Variants in MARCHF4 observed in about 807,000 individuals in gnomAD.
MARCHF4 encodes membrane associated ring-CH-type finger 4.
In MARCHF4, 14 loss-of-function variants were observed where a neutral mutation model predicts 43.9. The observed-to-expected ratio is 0.32, with a 90% confidence interval of 0.21 to 0.50. The LOEUF (loss-of-function observed/expected upper bound fraction) is 0.50. MARCHF4 is among the 20% of genes least tolerant of loss of function. The pLI, the probability that MARCHF4 is intolerant of heterozygous loss-of-function variation, is 0.98. For synonymous variants in MARCHF4, 226 were observed against 213.3 expected, an observed-to-expected ratio of 1.06 and a Z score of -0.52; for missense variants, 468 against 536.7, an observed-to-expected ratio of 0.87 and a Z score of 1.27.
At chr2:216,288,107 C>T (rs1230835941) in intron 1 of MARCHF4, among the ~76,000 whole-genome samples, 1 of 152,168 alleles carries the variant, frequency 6.6e-6, no homozygotes, top group Non-Finnish European at 1.5e-5. Flanking sequence ...GGACTACAGG[C>T]ACATGCCACC....
intron 3 of MARCHF4, chr2:216,259,883 G>T: frequency 1.7e-6 from 1 of 586,128 alleles, no homozygotes; most frequent in Non-Finnish European, 3.0e-6. Flanking sequence ...CCATGAAATA[G>T]TTGAGCACCT....
chr2:216,362,080 G>A (rs1490126363), intron 1 of MARCHF4, among the ~76,000 whole-genome samples: 1 of 152,140 alleles, frequency 6.6e-6, no homozygotes, highest in East Asian at 1.9e-4. Context: ...CATGTATTTT[G>A]GACTTCAAAG....
At chr2:216,282,923 G>GT (rs1326491831) in intron 2 of MARCHF4, among the ~76,000 whole-genome samples, 1 of 151,912 alleles carries the variant, frequency 6.6e-6, no homozygotes, top group Non-Finnish European at 1.5e-5. Context: ...TCTGTCCCTT[G>GT]CCATTGGAAG....
chr2:216,340,347 T>C (rs781198428), intron 1 of MARCHF4, among the ~76,000 whole-genome samples: 2 of 152,134 alleles, frequency 1.3e-5, no homozygotes, highest in Non-Finnish European at 1.5e-5. Context: ...ATAAACCCCA[T>C]AGTGATTTTG....
At position 216,259,260 on chromosome 2, in the gene MARCHF4, C is replaced by T; in HGVS notation, c.*52G>A. 6.6e-7 allele frequency: 1 copy of T among 1,505,322 alleles called. No homozygotes were observed. Among genetic ancestry groups the T allele is most frequent in the African/African-American group, 1.4e-5 (1 of 71,692 alleles). 93.2% of individuals were successfully genotyped at this position (1,505,322 alleles called of 1,614,324 possible). A position where few individuals can be genotyped will look rare whatever the true frequency, so the allele number is the denominator to read the frequency against. ...TGGGGGTGCCACTGCACCTCCCCAC[C>T]CTGCTCCGGGCCCTCAGTGGTGGTC... On this transcript the variant is annotated 3_prime_UTR_variant, in exon 4 of 4. Coordinates refer to ENST00000273067, the MANE Select transcript of MARCHF4 (RefSeq NM_020814.3).
At chr2:216,269,591 T>C (rs1010397062) in intron 3 of MARCHF4, among the ~76,000 whole-genome samples, 2 of 152,180 alleles carry the variant, frequency 1.3e-5, no homozygotes, top group African/African-American at 4.8e-5. Context: ...CGGCAAACCT[T>C]TCTTGAGTGT....
At position 216,277,566 on chromosome 2, in the gene MARCHF4, G is replaced by A. The variant is rs891649292; in HGVS notation, c.865+106C>T. On this transcript the variant is annotated intron_variant, in intron 3 of 3. Coordinates refer to ENST00000273067, the MANE Select transcript of MARCHF4 (RefSeq NM_020814.3). ...CCTGAGCTCCCAGTTCTCAAGCCTG[G>A]GGCCATATCTGCTTCAGCCTCCCAC... The A allele has an allele frequency of 1.2e-5, 15 of 1,207,010 alleles. No homozygotes were observed. In the African/African-American group the frequency reaches 2.3e-4, roughly 18 times the overall value. 74.8% of individuals were successfully genotyped at this position (1,207,010 alleles called of 1,614,324 possible). A position where few individuals can be genotyped will look rare whatever the true frequency, so the allele number is the denominator to read the frequency against.
intron 1 of MARCHF4, among the ~76,000 whole-genome samples, chr2:216,299,111 AT>A (rs60364722): frequency 0.061 from 9,055 of 147,780 alleles, 661 homozygotes; most frequent in African/African-American, 0.18. Flanking sequence ...ACAGTCTGGG[AT>A]TTTTTTTTTT....
At chr2:216,339,428 A>T (rs1417568475) in intron 1 of MARCHF4, among the ~76,000 whole-genome samples, 1 of 152,194 alleles carries the variant, frequency 6.6e-6, no homozygotes, top group Non-Finnish European at 1.5e-5. Context: ...TGGCATTTGC[A>T]CATCACAGGG....
intron 3 of MARCHF4, among the ~76,000 whole-genome samples, chr2:216,274,165 T>C (rs1364327245): frequency 6.6e-6 from 1 of 152,180 alleles, no homozygotes; most frequent in Non-Finnish European, 1.5e-5. Flanking sequence ...GTGGACCCTA[T>C]ACCCATGGTT....
In MARCHF4 at chr2:216,325,924, C is replaced by A. The variant is rs1376051008; in HGVS notation, c.517-42195G>T. 1.7e-4 allele frequency among the ~76,000 whole-genome samples: 25 copies of A among 148,180 alleles called. No homozygotes were observed. The South Asian group carries it at 5.2e-3, about 31-fold the overall frequency. ...GGCAAGGACTTCATGTCTAAAACAC[C>A]AAAAGCAATGGCAACAAAAGCCAGA... On this transcript the variant is annotated intron_variant, in intron 1 of 3. Coordinates refer to ENST00000273067, the MANE Select transcript of MARCHF4 (RefSeq NM_020814.3).
intron 1 of MARCHF4, among the ~76,000 whole-genome samples, chr2:216,350,802 T>G (rs975383388): frequency 6.6e-6 from 1 of 152,218 alleles, no homozygotes; most frequent in Non-Finnish European, 1.5e-5. Context: ...CACACACTTA[T>G]CTCTCTTGTT....
intron 3 of MARCHF4, among the ~76,000 whole-genome samples, chr2:216,269,274 T>G (rs1285984365): frequency 1.3e-5 from 2 of 152,186 alleles, no homozygotes; most frequent in Non-Finnish European, 2.9e-5. Context: ...CTTAATTAAT[T>G]TGCTCTTGTT....
At chr2:216,283,011 T>G (rs1286058361) in intron 2 of MARCHF4, among the ~76,000 whole-genome samples, 1 of 152,154 alleles carries the variant, frequency 6.6e-6, no homozygotes, top group Non-Finnish European at 1.5e-5. Context: ...ACCTATAGAA[T>G]AGCCTGCATT....
At chr2:216,317,496 C>T (rs1346388904) in intron 1 of MARCHF4, among the ~76,000 whole-genome samples, 1 of 152,160 alleles carries the variant, frequency 6.6e-6, no homozygotes, top group Admixed American at 6.5e-5. Context: ...TCACTGCAAC[C>T]TTCCACCTCC....
Position 216,370,174 on chromosome 2 carries a change from G to C in MARCHF4, c.87C>G (p.Pro29=), listed in dbSNP as rs1181468255. The C allele has an allele frequency of 6.2e-7, 1 of 1,612,176 alleles. No homozygotes were observed. The highest frequency in any genetic ancestry group is 8.5e-7 in the Non-Finnish European group (1 of 1,179,400). The part of the protein sequence containing the change: ...WYCYGLCAPA[P]QMLRHQGLLK... Reference sequence around the variant, plus strand: ...GGAGACCCTGGTGGCGCAACATCTGGGGGGCTGGGGCACACAATCCATAGC... The same window carrying C: ...GGAGACCCTGGTGGCGCAACATCTGCGGGGCTGGGGCACACAATCCATAGC... Residue 29 remains proline, a synonymous_variant, in exon 1 of 4, where the codon CCC becomes CCG. Transcript: ENST00000273067.
chr2:216,326,228 C>T (rs1691989165), intron 1 of MARCHF4, among the ~76,000 whole-genome samples: 1 of 152,144 alleles, frequency 6.6e-6, no homozygotes, highest in Non-Finnish European at 1.5e-5. Context: ...CATCACTGGC[C>T]ATCAGAGAAA....
chr2:216,353,576 C>T (rs1375464329), intron 1 of MARCHF4, among the ~76,000 whole-genome samples: 1 of 152,130 alleles, frequency 6.6e-6, no homozygotes, highest in Non-Finnish European at 1.5e-5. Flanking sequence ...GCGATGGAGT[C>T]TTACTCTGTT....
chr2:216,315,808 C>T (rs1240221733), intron 1 of MARCHF4, among the ~76,000 whole-genome samples: 1 of 152,052 alleles, frequency 6.6e-6, no homozygotes, highest in African/African-American at 2.4e-5. Flanking sequence ...GTGTGCATTA[C>T]CGTTTATACT....
Sources: gnomAD v4.1 joint callset for allele counts (sites outside exome capture counted in the v4.1 genomes callset) on GRCh38, gnomAD v4.1.1 for gene constraint, MANE v1.5 for transcripts, NCBI Gene and HGNC (gene_info 2026-07-23, HGNC 2026-07-21) for gene names.